The following ACAP2 variants were observed in gnomAD, a reference collection of about 807,000 sequenced individuals.
ACAP2 encodes arf-GAP with coiled-coil, ANK repeat and PH domain-containing protein 2.
Under a neutral mutation model 115.8 loss-of-function variants are expected in ACAP2, and 39 were observed. The observed-to-expected ratio is 0.34, with a 90% CI of 0.26 to 0.44. The LOEUF (loss-of-function observed/expected upper bound fraction) is 0.44. ACAP2 is among the 20% of genes least tolerant of loss of function. The probability of loss-of-function intolerance (pLI) is 1.00; values close to 1 mark genes in which losing one functional copy is unlikely to be tolerated. For synonymous variants in ACAP2, 289 were observed against 315.8 expected (o/e 0.92, Z 0.90); for missense variants, 662 against 927.6 (o/e 0.71, Z 3.72).
At chr3:195,303,843 T>C (rs1451677232) in intron 13 of ACAP2, among the ~76,000 whole-genome samples, 4 of 152,044 alleles carry the variant, frequency 2.6e-5, no homozygotes, top group African/African-American at 9.7e-5. Flanking sequence ...ATGACAGATA[T>C]GGTCTATAAA....
chr3:195,316,959 G>A (rs767043098), intron 10 of ACAP2, among the ~76,000 whole-genome samples: 39 of 127,902 alleles, frequency 3.0e-4, no homozygotes, highest in Admixed American at 2.9e-3. Flanking sequence ...GTGCAGTGGT[G>A]CAATCTCGGC....
At chr3:195,383,907 G>A (rs1410707919) in intron 2 of ACAP2, among the ~76,000 whole-genome samples, 1 of 151,914 alleles carries the variant, frequency 6.6e-6, no homozygotes, top group Non-Finnish European at 1.5e-5. Context: ...TATAATAAAA[G>A]AAATGGAAAT....
In ACAP2 at chr3:195,355,353, T is replaced by C. The variant is rs557660656; in HGVS notation, c.286-10036A>G. Reference sequence around the variant, plus strand: ...CTCATGGACAGCTAACTCTTTTCTATATTAAACTGCTACACAGAAATTCCT... The same window carrying C: ...CTCATGGACAGCTAACTCTTTTCTACATTAAACTGCTACACAGAAATTCCT... On this transcript the variant is annotated intron_variant, in intron 4 of 22. Coordinates refer to ENST00000326793, the MANE Select transcript of ACAP2 (RefSeq NM_012287.6). Among the ~76,000 whole-genome samples the C allele has an allele frequency of 3.3e-4, 50 of 151,486 alleles. No homozygotes were observed. In the South Asian group the frequency reaches 9.2e-3, roughly 28 times the overall value.
At chr3:195,375,111 G>GTGC (rs1187176512) in intron 4 of ACAP2, among the ~76,000 whole-genome samples, 10 of 151,714 alleles carry the variant, frequency 6.6e-5, no homozygotes, top group African/African-American at 2.4e-4. Flanking sequence ...AGAATCGCTT[G>GTGC]AACCCGGGAG....
intron 10 of ACAP2, 138 bp from the exon 11 acceptor site, chr3:195,308,975 T>C (rs1184722490): frequency 1.3e-6 from 1 of 752,370 alleles, no homozygotes. Flanking sequence ...TTATTTTGCT[T>C]TATATAAACT....
intron 1 of ACAP2, among the ~76,000 whole-genome samples, chr3:195,418,552 C>T (rs988025618): frequency 2.0e-5 from 3 of 152,124 alleles, no homozygotes. Context: ...ATGCTTCAGC[C>T]TCTCAGGTAG....
chr3:195,330,413 G>GT lies in ACAP2; in HGVS notation c.669+2614dup, dbSNP rs1730089729. Reference sequence around the variant, plus strand: ...GACTTATTTGAGATCTAGAGAGGGGGTAAACCTATAAAACTAAAATGATTA... The same window carrying GT: ...GACTTATTTGAGATCTAGAGAGGGGGTTAAACCTATAAAACTAAAATGATTA... On this transcript the variant is annotated intron_variant, in intron 8 of 22. Transcript: ENST00000326793. 2.0e-5 allele frequency among the ~76,000 whole-genome samples: 3 copies of GT among 152,260 alleles called. No individual in the cohort carries two copies. The South Asian group carries it at 6.2e-4, about 32-fold the overall frequency.
intron 1 of ACAP2, among the ~76,000 whole-genome samples, chr3:195,438,233 G>A (rs1015501143): frequency 4.0e-5 from 6 of 151,528 alleles, no homozygotes; most frequent in Non-Finnish European, 2.9e-5. Context: ...TCACCATGCT[G>A]GCCAGGCTGG....
rs148787533 is a variant in ACAP2, at chr3:195,403,026, T to C, written c.54-10879A>G. Among the ~76,000 whole-genome samples, 1,132 of 152,080 alleles carry C rather than the reference T, an allele frequency of 7.4e-3. 14 individuals carry two copies. Among genetic ancestry groups the C allele is most frequent in the African/African-American group, 0.024 (1,016 of 41,500 alleles). ...GTATGCGATAAGGTGGTAAGTACCA[T>C]GGGAAAAAAGGAAAGTGAAATAAGG... is the stretch of plus-strand genomic sequence containing the variant. On this transcript the variant is annotated intron_variant, in intron 1 of 22. Transcript: ENST00000326793.
chr3:195,395,823 T>A (rs1049179182), intron 1 of ACAP2, among the ~76,000 whole-genome samples: 6 of 152,250 alleles, frequency 3.9e-5, no homozygotes, highest in African/African-American at 1.2e-4. Context: ...CAGTCTGTAC[T>A]CTAAGAAGCT....
At chr3:195,299,017 G>A (rs1727845924) in intron 15 of ACAP2, among the ~76,000 whole-genome samples, 1 of 152,042 alleles carries the variant, frequency 6.6e-6, no homozygotes, top group Non-Finnish European at 1.5e-5. Context: ...TCTTAAATGT[G>A]CTAATTCCTT....
At chr3:195,418,672 C>G (rs1014366576) in intron 1 of ACAP2, among the ~76,000 whole-genome samples, 5 of 152,190 alleles carry the variant, frequency 3.3e-5, no homozygotes, top group African/African-American at 1.2e-4. Context: ...TCAAGCAATC[C>G]TCCCACCACG....
Position 195,302,159 on chromosome 3 carries a change from AT to A in ACAP2, c.1131del (p.Lys377AsnfsTer9). ...TCTAGGCTTCCTGTGGATGGAGATG[AT>A]TTCTTATCCAGCTTCTAAAAGAATT... ...KGDESEKLDK[K>X]SSPSTGSLDS... On this transcript the variant is annotated frameshift_variant, in exon 14 of 23. Transcript: ENST00000326793. LOFTEE classifies it high-confidence loss of function. The A allele has an allele frequency of 6.2e-7, 1 of 1,612,512 alleles. No individual in the cohort carries two copies. Among genetic ancestry groups the A allele is most frequent in the Non-Finnish European group, 8.5e-7 (1 of 1,179,344 alleles).
intron 5 of ACAP2, 32 bp from the exon 6 acceptor site, chr3:195,342,686 T>A (rs769093659): frequency 1.7e-5 from 27 of 1,551,286 alleles, no homozygotes; most frequent in Non-Finnish European, 2.3e-5. Context: ...GAAACTTTTA[T>A]AACTTGCTTC....
intron 10 of ACAP2, among the ~76,000 whole-genome samples, chr3:195,311,103 GT>G (rs35752425): frequency 2.2e-5 from 3 of 139,352 alleles, no homozygotes; most frequent in Admixed American, 7.4e-5. Context: ...TTTTTTTTTT[GT>G]TTTTTTTTTT....
At chr3:195,279,452 C>T in intron 22 of ACAP2, 24 bp from the exon 23 acceptor site, 3 of 1,425,796 alleles carry the variant, frequency 2.1e-6, no homozygotes, top group South Asian at 1.3e-5. Context: ...AATAAAGACA[C>T]TTTAAACATT....
chr3:195,285,513 G>A (rs537277080), intron 22 of ACAP2: 81 of 339,760 alleles, frequency 2.4e-4, no homozygotes, highest in Middle Eastern at 1.5e-3. Flanking sequence ...GAAGACATCC[G>A]TACAGCAAAT....
chr3:195,371,043 C>T (rs144584926), intron 4 of ACAP2, among the ~76,000 whole-genome samples: 8 of 150,618 alleles, frequency 5.3e-5, no homozygotes, highest in African/African-American at 1.5e-4. Context: ...TTTGGCTATT[C>T]GAACACTTTT....
At chr3:195,369,674 T>C (rs1432103466) in intron 4 of ACAP2, among the ~76,000 whole-genome samples, 1 of 152,232 alleles carries the variant, frequency 6.6e-6, no homozygotes, top group Non-Finnish European at 1.5e-5. Context: ...GGCATTTAGG[T>C]TGAATCTATG....
Sources: gnomAD v4.1 joint callset for allele counts (sites outside exome capture counted in the v4.1 genomes callset) on GRCh38, gnomAD v4.1.1 for gene constraint, MANE v1.5 for transcripts, NCBI Gene and HGNC (gene_info 2026-07-23, HGNC 2026-07-21) for gene names.